Variants in SEC31B observed in about 807,000 individuals in gnomAD.
SEC31B encodes the protein SEC31 homolog B, COPII component.
Under a neutral mutation model 135.0 loss-of-function variants are expected in SEC31B, and 113 were observed. The ratio of observed to expected loss-of-function variants is 0.84; its 90% CI spans 0.72 to 0.98. The LOEUF (loss-of-function observed/expected upper bound fraction) is 0.98, where lower values mean the gene tolerates loss of function less well. Among genes scored for constraint, SEC31B ranks in the 50% least tolerant of loss-of-function variants. The probability of loss-of-function intolerance (pLI) is 0.00; values close to 1 mark genes in which losing one functional copy is unlikely to be tolerated. For missense variants in SEC31B, 1,296 were observed against 1,421.1 expected, an observed-to-expected ratio of 0.91 and a Z score of 1.42; for synonymous variants, 508 against 549.4, an observed-to-expected ratio of 0.92 and a Z score of 1.05.
intron 12 of SEC31B, 62 bp from the exon 13 acceptor site, chr10:100,499,320 C>A: frequency 7.4e-7 from 1 of 1,343,462 alleles, no homozygotes; most frequent in South Asian, 1.2e-5. Context: ...GCATTATCCT[C>A]TTTTCCTATC....
At position 100,498,810 on chromosome 10, in the gene SEC31B, T is replaced by A. The variant is rs753386550; in HGVS notation, c.1585-6A>T. On this transcript the variant is annotated splice_region_variant and splice_polypyrimidine_tract_variant and intron_variant, in intron 13 of 25. Coordinates refer to ENST00000370345, the MANE Select transcript of SEC31B (RefSeq NM_015490.4). ...TTTGTGGTGTGTTTGGAGGCCTGTA[T>A]GAGGAAGGACAGAGGTGACTACTTA... 3 of 1,607,500 alleles carry A rather than the reference T, an allele frequency of 1.9e-6. No individual in the cohort carries two copies. Among genetic ancestry groups the A allele is most frequent in the African/African-American group, 2.7e-5 (2 of 74,822 alleles).
In SEC31B at chr10:100,487,573, T is replaced by A; in HGVS notation, c.*43A>T. On this transcript the variant is annotated 3_prime_UTR_variant, in exon 26 of 26. Coordinates refer to ENST00000370345, the MANE Select transcript of SEC31B (RefSeq NM_015490.4). ...TCCCCTCTTCTGCAGGGAGGAGTTA[T>A]GTAACAGCAGAAGTGGCCTCCTAGC... is the stretch of plus-strand genomic sequence containing the variant. 6.4e-7 allele frequency: 1 copy of A among 1,556,552 alleles called. No individual in the cohort carries two copies. The highest frequency in any genetic ancestry group is 8.8e-7 in the Non-Finnish European group (1 of 1,137,548).
At chr10:100,505,052 G>A (rs1398435213) in intron 10 of SEC31B, among the ~76,000 whole-genome samples, 1 of 151,794 alleles carries the variant, frequency 6.6e-6, no homozygotes, top group African/African-American at 2.4e-5. Flanking sequence ...CTTACTACCA[G>A]TCCAGACACG....
chr10:100,490,373 C>A (rs761447484), intron 20 of SEC31B, 51 bp from the exon 21 acceptor site: 3 of 1,537,702 alleles, frequency 2.0e-6, no homozygotes, highest in Non-Finnish European at 1.8e-6. Flanking sequence ...ATTTCAGGAG[C>A]AACTCAGAGC....
chr10:100,504,929 A>T (rs1781110789), intron 10 of SEC31B, among the ~76,000 whole-genome samples: 1 of 152,160 alleles, frequency 6.6e-6, no homozygotes, highest in African/African-American at 2.4e-5. Context: ...ATGGAAAGGT[A>T]AGTGGAGCCC....
chr10:100,509,596 T>C (rs1851702206), intron 3 of SEC31B, 85 bp from the exon 4 acceptor site: 1 of 1,133,716 alleles, frequency 8.8e-7, no homozygotes, highest in Non-Finnish European at 1.2e-6. Context: ...GCTTCTGCCA[T>C]TATGCAGGCA....
intron 12 of SEC31B, 127 bp downstream of exon 12, chr10:100,499,397 C>T (rs765654967): frequency 3.9e-5 from 43 of 1,101,674 alleles, no homozygotes; most frequent in Non-Finnish European, 5.5e-5. Flanking sequence ...AAAACAAACT[C>T]CAGGATGTAA....
In SEC31B at chr10:100,505,360, C is replaced by T. The variant is rs761091063; in HGVS notation, c.1179+1G>A. 1.2e-6 allele frequency: 2 copies of T among 1,613,370 alleles called. No homozygotes were observed. Among genetic ancestry groups the T allele is most frequent in the South Asian group, 1.1e-5 (1 of 91,026 alleles). On this transcript the variant is annotated splice_donor_variant, in intron 10 of 25. Coordinates refer to ENST00000370345, the MANE Select transcript of SEC31B (RefSeq NM_015490.4). LOFTEE classifies it high-confidence loss of function. ...CACACCTATACATCCACTACACTTA[C>T]AGCAAATGAAACACCTGTTGGTCTT...
At chr10:100,515,753 G>A (rs1589742187) in intron 3 of SEC31B, among the ~76,000 whole-genome samples, 1 of 152,148 alleles carries the variant, frequency 6.6e-6, no homozygotes, top group Admixed American at 6.5e-5. Context: ...TTGGCAGAGA[G>A]GGTGATATTG....
chr10:100,501,840 C>A (rs1046208927), intron 11 of SEC31B: 4 of 181,518 alleles, frequency 2.2e-5, no homozygotes, highest in Non-Finnish European at 3.5e-5. Context: ...CAACTCAAAG[C>A]CTTCTTATGA....
chr10:100,502,658 C>T (rs1851546233), intron 10 of SEC31B, among the ~76,000 whole-genome samples, 174 bp from the exon 11 acceptor site: 1 of 152,034 alleles, frequency 6.6e-6, no homozygotes, highest in African/African-American at 2.4e-5. Context: ...AATTCGTCTC[C>T]CTACCAAAAC....
rs367574586 is a variant in SEC31B, at chr10:100,505,520, G to A, written c.1045-25C>T. 35 of 1,508,498 alleles carry A rather than the reference G, an allele frequency of 2.3e-5. No individual in the cohort carries two copies. The African/African-American group carries it at 2.4e-4, about 11-fold the overall frequency. 93.4% of individuals were successfully genotyped at this position (1,508,498 alleles called of 1,614,324 possible). A position where few individuals can be genotyped will look rare whatever the true frequency, so the allele number is the denominator to read the frequency against. ...TCTGGGGGGAAAAGACACCTGCATC[G>A]CCATCCTAAAGTGGCAGTTTAGTCA... On this transcript the variant is annotated intron_variant, in intron 9 of 25. Coordinates refer to ENST00000370345, the MANE Select transcript of SEC31B (RefSeq NM_015490.4).
At chr10:100,518,235 T>G (rs1451408246) in intron 1 of SEC31B, among the ~76,000 whole-genome samples, 1 of 152,254 alleles carries the variant, frequency 6.6e-6, no homozygotes, top group Non-Finnish European at 1.5e-5. Context: ...TCTCATTCAT[T>G]GTGCTTCAGC....
chr10:100,507,293 T>C (rs1851649945), intron 7 of SEC31B, 132 bp downstream of exon 7: 10 of 1,110,946 alleles, frequency 9.0e-6, no homozygotes, highest in Non-Finnish European at 1.3e-5. Context: ...ATTGGGTGAC[T>C]ATATGTTGAC....
intron 25 of SEC31B, 85 bp from the exon 26 acceptor site, chr10:100,487,880 T>C: frequency 1.3e-6 from 2 of 1,563,104 alleles, no homozygotes; most frequent in Non-Finnish European, 1.8e-6. Context: ...AGACTTAAGT[T>C]CTGGGGCCCA....
intron 19 of SEC31B, among the ~76,000 whole-genome samples, chr10:100,493,853 C>T (rs904629019): frequency 3.9e-5 from 6 of 151,954 alleles, no homozygotes; most frequent in Non-Finnish European, 2.9e-5. Flanking sequence ...GATGCCGACA[C>T]GGGGCGGGGT....
At chr10:100,513,651 G>A (rs1291998106) in intron 3 of SEC31B, among the ~76,000 whole-genome samples, 1 of 151,518 alleles carries the variant, frequency 6.6e-6, no homozygotes, top group Non-Finnish European at 1.5e-5. Flanking sequence ...TGCATTTTTA[G>A]TAGAGACGGG....
In SEC31B at chr10:100,489,994, G is replaced by A. The variant is rs1851268715; in HGVS notation, c.2965+14C>T. The A allele has an allele frequency of 6.5e-7, 1 of 1,536,206 alleles. No homozygotes were observed. Among genetic ancestry groups the A allele is most frequent in the East Asian group, 2.3e-5 (1 of 44,442 alleles). On this transcript the variant is annotated intron_variant, in intron 21 of 25. Transcript: ENST00000370345. The stretch of plus-strand genomic sequence containing the variant: ...CAATAACCCAGAAGAGGGATCCATG[G>A]AAGGAAGACTGACCTGGGTGAGGAG...
chr10:100,487,775 A>G lies in SEC31B; in HGVS notation c.3381T>C (p.Ala1127=). The change falls in exon 26 of 26, where the codon GCT becomes GCC. Residue 1127 remains alanine (A), a synonymous_variant. Coordinates refer to ENST00000370345, the MANE Select transcript of SEC31B (RefSeq NM_015490.4). ...CEGTLSPHVV[A]GLHEVARCVD... ...CACATCGGGCAACCTCATGGAGCCCAGCCACGACATGAGGTGAGAGCTGTG... is the reference window on the plus strand; with the variant it reads ...CACATCGGGCAACCTCATGGAGCCCGGCCACGACATGAGGTGAGAGCTGTG... 4.3e-6 allele frequency: 7 copies of G among 1,614,094 alleles called. No individual in the cohort carries two copies. The highest frequency in any genetic ancestry group is 5.1e-6 in the Non-Finnish European group (6 of 1,179,994).
Sources: gnomAD v4.1 joint callset for allele counts (sites outside exome capture counted in the v4.1 genomes callset) on GRCh38, gnomAD v4.1.1 for gene constraint, MANE v1.5 for transcripts, NCBI Gene and HGNC (gene_info 2026-07-23, HGNC 2026-07-21) for gene names.